RPTOR: variants seen among roughly 807,000 people sequenced by gnomAD.
RPTOR encodes regulatory-associated protein of mTOR.
A neutral mutation model predicts 169.9 loss-of-function variants in RPTOR; 21 were observed. That is an observed-to-expected ratio of 0.12 (90% CI 0.09 to 0.18). The LOEUF is 0.18. Among genes scored for constraint, RPTOR ranks in the 10% least tolerant of loss-of-function variants. The pLI is 1.00. For synonymous variants in RPTOR, 732 were observed against 753.2 expected (o/e 0.97, Z 0.46); for missense variants, 1,133 against 1,855.9 (o/e 0.61, Z 7.16).
chr17:80,961,713 TG>T (rs1307466389), intron 31 of RPTOR: 1 of 524,194 alleles, frequency 1.9e-6, no homozygotes, highest in East Asian at 3.3e-5. Context: ...GGAACTTTCC[TG>T]GGCTGCCAAC....
intron 4 of RPTOR, among the ~76,000 whole-genome samples, chr17:80,722,972 G>C (rs2066299665): frequency 6.6e-6 from 1 of 151,378 alleles, no homozygotes; most frequent in Non-Finnish European, 1.5e-5. Flanking sequence ...TCATGACCAT[G>C]ACATTGTAAG....
chr17:80,912,482 A>T (rs1037793783), intron 21 of RPTOR, among the ~76,000 whole-genome samples: 4 of 152,144 alleles, frequency 2.6e-5, no homozygotes, highest in African/African-American at 9.7e-5. Context: ...AATTATTTTA[A>T]ACTGTAATCC....
chr17:80,732,991 A>C (rs745361989), intron 5 of RPTOR, among the ~76,000 whole-genome samples: 4 of 152,256 alleles, frequency 2.6e-5, no homozygotes, highest in Non-Finnish European at 5.9e-5. Flanking sequence ...ATTAAATATA[A>C]TGCAAGAAAA....
At chr17:80,649,265 G>T (rs1057300232) in intron 3 of RPTOR, among the ~76,000 whole-genome samples, 2 of 152,174 alleles carry the variant, frequency 1.3e-5, no homozygotes, top group Non-Finnish European at 2.9e-5. Flanking sequence ...CCTGCTTGGG[G>T]CATTCACGTT....
At chr17:80,804,031 C>T (rs921477658) in intron 7 of RPTOR, among the ~76,000 whole-genome samples, 25 of 152,300 alleles carry the variant, frequency 1.6e-4, no homozygotes, top group East Asian at 5.8e-4. Flanking sequence ...TAATTAACAC[C>T]GCTAACCTGG....
intron 1 of RPTOR, among the ~76,000 whole-genome samples, chr17:80,618,567 C>T (rs9899250): frequency 0.32 from 48,336 of 151,988 alleles, 7,933 homozygotes; most frequent in African/African-American, 0.39. Context: ...ATCCCTGAGG[C>T]CGAAATTTTC....
intron 2 of RPTOR, among the ~76,000 whole-genome samples, chr17:80,629,794 GTCTC>G (rs66838488): frequency 0.19 from 27,967 of 150,392 alleles, 2,836 homozygotes; most frequent in East Asian, 0.27. Context: ...CTTCCATTGT[GTCTC>G]TCTCTTCTGG....
intron 7 of RPTOR, among the ~76,000 whole-genome samples, chr17:80,814,737 A>G (rs1359501732): frequency 6.6e-6 from 1 of 152,210 alleles, no homozygotes; most frequent in Non-Finnish European, 1.5e-5. Context: ...CGTAACAGCA[A>G]GATGAAGAAA....
intron 7 of RPTOR, among the ~76,000 whole-genome samples, chr17:80,808,132 C>CAAA (rs35162861): frequency 6.1e-5 from 9 of 147,472 alleles, no homozygotes; most frequent in African/African-American, 2.2e-4. Context: ...CTATCTCTAC[C>CAAA]AAAAAAAAAA....
chr17:80,809,969 G>A (rs2067256912), intron 7 of RPTOR, among the ~76,000 whole-genome samples: 2 of 151,948 alleles, frequency 1.3e-5, no homozygotes, highest in South Asian at 2.1e-4. Context: ...CCCGGGAGGC[G>A]GACGTTGAGT....
intron 3 of RPTOR, among the ~76,000 whole-genome samples, chr17:80,660,075 A>G (rs2065710256): frequency 6.6e-6 from 1 of 152,104 alleles, no homozygotes; most frequent in Admixed American, 6.5e-5. Flanking sequence ...GTTCGAGACC[A>G]GTCTGGCCAA....
intron 5 of RPTOR, among the ~76,000 whole-genome samples, chr17:80,742,898 A>G (rs2066498843): frequency 2.0e-5 from 3 of 152,036 alleles, no homozygotes; most frequent in Non-Finnish European, 2.9e-5. Context: ...ATGCACACAT[A>G]CACACAGGTA....
chr17:80,578,467 G>T (rs72856551), intron 1 of RPTOR, among the ~76,000 whole-genome samples: 36,197 of 152,068 alleles, frequency 0.24, 5,303 homozygotes, highest in East Asian at 0.42. Context: ...GGACAGACGT[G>T]GCTGCTTTCC....
chr17:80,669,702 C>T (rs188911051), intron 3 of RPTOR, among the ~76,000 whole-genome samples: 33 of 152,336 alleles, frequency 2.2e-4, no homozygotes, highest in African/African-American at 6.3e-4. Context: ...ACTCTTAAAA[C>T]GCCTTGTTAT....
chr17:80,791,337 C>T (rs1230342838), intron 6 of RPTOR, 113 bp from the exon 7 acceptor site: 3 of 785,642 alleles, frequency 3.8e-6, no homozygotes, highest in Non-Finnish European at 6.1e-6. Context: ...TGTACTTGTT[C>T]ACCGTGGTAG....
chr17:80,899,711 A>G (rs1235245729), intron 20 of RPTOR, among the ~76,000 whole-genome samples: 1 of 152,264 alleles, frequency 6.6e-6, no homozygotes, highest in Admixed American at 6.5e-5. Context: ...GTGTAGGTGA[A>G]TGAACTTGGC....
In RPTOR at chr17:80,894,003, G is replaced by T; in HGVS notation, c.2401+138G>T. 4.5e-6 allele frequency: 4 copies of T among 896,918 alleles called. No homozygotes were observed. The South Asian group carries it at 9.9e-5, about 22-fold the overall frequency. 55.6% of individuals were successfully genotyped at this position (896,918 alleles called of 1,614,324 possible). A position where few individuals can be genotyped will look rare whatever the true frequency, so the allele number is the denominator to read the frequency against. ...CAAAAGAAAGAATAAAGGTCAACAGGACTGCGAGGCAGGGAGAACGTTTTG... is the reference window on the plus strand; with the variant it reads ...CAAAAGAAAGAATAAAGGTCAACAGTACTGCGAGGCAGGGAGAACGTTTTG... On this transcript the variant is annotated intron_variant, in intron 20 of 33. Coordinates refer to ENST00000306801, the MANE Select transcript of RPTOR (RefSeq NM_020761.3).
intron 20 of RPTOR, among the ~76,000 whole-genome samples, chr17:80,906,937 A>G (rs2068551076): frequency 6.6e-6 from 1 of 152,116 alleles, no homozygotes; most frequent in Admixed American, 6.5e-5. Flanking sequence ...CAGCAGGGGT[A>G]GACACTGGCC....
In RPTOR at chr17:80,634,521, GTACTGTGTGCA is replaced by G. The variant is rs1567831006; in HGVS notation, c.265+8730_265+8740del. Among the ~76,000 whole-genome samples, 124 of 131,930 alleles carry G rather than the reference GTACTGTGTGCA, an allele frequency of 9.4e-4. 1 individual carries two copies. Among genetic ancestry groups the G allele is most frequent in the African/African-American group, 3.4e-3 (117 of 34,116 alleles). 86.6% of individuals were successfully genotyped at this position (131,930 alleles called of 152,430 possible). ...GTGTGTGCATACTGTGTGTGTGTGC[GTACTGTGTGCA>G]TGTGCGTACTGTGTGTGTGCATACT... On this transcript the variant is annotated intron_variant, in intron 2 of 33. Coordinates refer to ENST00000306801, the MANE Select transcript of RPTOR (RefSeq NM_020761.3).
Sources: gnomAD v4.1 joint callset for allele counts (sites outside exome capture counted in the v4.1 genomes callset) on GRCh38, gnomAD v4.1.1 for gene constraint, MANE v1.5 for transcripts, NCBI Gene and HGNC (gene_info 2026-07-23, HGNC 2026-07-21) for gene names.